The following NPAS3 variants were observed in gnomAD, a reference collection of about 807,000 sequenced individuals.
NPAS3 encodes neuronal PAS domain protein 3, also known as neuronal PAS domain-containing protein 3.
NPAS3 carries 14 observed loss-of-function variants against 73.1 expected under a neutral mutation model. That is an observed-to-expected ratio of 0.19 (90% confidence interval 0.13 to 0.30). The LOEUF is 0.30. Among genes scored for constraint, NPAS3 ranks in the 10% least tolerant of loss-of-function variants. The probability of loss-of-function intolerance (pLI) is 1.00; values close to 1 mark genes in which losing one functional copy is unlikely to be tolerated. For synonymous variants in NPAS3, 620 were observed against 541.5 expected (o/e 1.14, Z -2.01); for missense variants, 1,096 against 1,250.0 (o/e 0.88, Z 1.86).
At chr14:33,272,891 C>T (rs2041159279) in intron 3 of NPAS3, among the ~76,000 whole-genome samples, 1 of 152,200 alleles carries the variant, frequency 6.6e-6, no homozygotes, top group South Asian at 2.1e-4. Flanking sequence ...AATCTCTTTA[C>T]AATTTTACAA....
chr14:33,680,408 C>T (rs2059900545), intron 6 of NPAS3, among the ~76,000 whole-genome samples: 1 of 152,224 alleles, frequency 6.6e-6, no homozygotes, highest in East Asian at 1.9e-4. Flanking sequence ...CTAGAAATAA[C>T]CATTATTCAT....
chr14:33,594,480 C>T (rs1394814487), intron 5 of NPAS3, among the ~76,000 whole-genome samples: 3 of 152,136 alleles, frequency 2.0e-5, no homozygotes, highest in African/African-American at 7.2e-5. Context: ...CATTAATTAC[C>T]TTATATTCTC....
At chr14:32,954,463 A>C (rs750479963) in intron 1 of NPAS3, among the ~76,000 whole-genome samples, 2 of 152,156 alleles carry the variant, frequency 1.3e-5, no homozygotes, top group African/African-American at 2.4e-5. Flanking sequence ...CATAGCTAGT[A>C]AAGTTTTGAA....
intron 3 of NPAS3, among the ~76,000 whole-genome samples, chr14:33,351,775 G>A (rs2045069161): frequency 6.6e-6 from 1 of 152,054 alleles, no homozygotes; most frequent in Admixed American, 6.6e-5. Context: ...TTGAACAAGG[G>A]CATGACATGT....
intron 5 of NPAS3, among the ~76,000 whole-genome samples, chr14:33,644,350 G>A (rs1176782887): frequency 6.6e-6 from 1 of 152,080 alleles, no homozygotes; most frequent in Non-Finnish European, 1.5e-5. Flanking sequence ...TTTTTGGCAG[G>A]GGCACTACAC....
At chr14:33,641,351 AT>A (rs973814344) in intron 5 of NPAS3, among the ~76,000 whole-genome samples, 2 of 152,224 alleles carry the variant, frequency 1.3e-5, no homozygotes, top group South Asian at 2.1e-4. Context: ...TATGAAAAAA[AT>A]AACACAGTCC....
At chr14:33,544,820 A>ATATATATATATAATATATATAT (rs11377851) in intron 4 of NPAS3, among the ~76,000 whole-genome samples, 1 of 98,550 alleles carries the variant, frequency 1.0e-5, no homozygotes, top group African/African-American at 5.4e-5. Context: ...ATGTATATAT[A>ATATATATATATAATATATATAT]ATATATATGT....
intron 1 of NPAS3, among the ~76,000 whole-genome samples, chr14:33,028,999 G>T (rs901242974): frequency 6.6e-6 from 1 of 152,110 alleles, no homozygotes; most frequent in African/African-American, 2.4e-5. Flanking sequence ...CCTGATGGGG[G>T]AGGTATTTTG....
chr14:33,043,832 A>C (rs1346491699), intron 1 of NPAS3, among the ~76,000 whole-genome samples: 1 of 152,040 alleles, frequency 6.6e-6, no homozygotes, highest in African/African-American at 2.4e-5. Context: ...AAAAAAAAAA[A>C]CAACTTCCCA....
At chr14:33,168,704 T>A (rs2045266931) in intron 2 of NPAS3, among the ~76,000 whole-genome samples, 1 of 152,146 alleles carries the variant, frequency 6.6e-6, no homozygotes, top group South Asian at 2.1e-4. Flanking sequence ...TTTCAGTCTC[T>A]ACTAGCTTCC....
intron 6 of NPAS3, among the ~76,000 whole-genome samples, chr14:33,725,711 T>C (rs1267560807): frequency 6.6e-6 from 1 of 152,140 alleles, no homozygotes; most frequent in Non-Finnish European, 1.5e-5. Context: ...CTGTTGCCTT[T>C]CATTGCCACT....
At chr14:33,635,531 C>G (rs772585072) in intron 5 of NPAS3, among the ~76,000 whole-genome samples, 5 of 152,134 alleles carry the variant, frequency 3.3e-5, no homozygotes, top group Admixed American at 6.5e-5. Context: ...CCCAGAGGCT[C>G]GAGCAGGGAG....
intron 6 of NPAS3, among the ~76,000 whole-genome samples, chr14:33,693,154 T>C (rs10131958): frequency 0.15 from 23,473 of 152,180 alleles, 1,910 homozygotes; most frequent in South Asian, 0.24. Context: ...TGACCTCTGG[T>C]AAGCTACCTG....
At chr14:33,501,250 C>T (rs1425997809) in intron 4 of NPAS3, among the ~76,000 whole-genome samples, 2 of 151,860 alleles carry the variant, frequency 1.3e-5, no homozygotes, top group Non-Finnish European at 1.5e-5. Flanking sequence ...CAGAGTATAT[C>T]TGAAGATTAA....
intron 6 of NPAS3, among the ~76,000 whole-genome samples, chr14:33,678,768 T>G (rs200304177): frequency 1.8e-5 from 2 of 111,070 alleles, no homozygotes; most frequent in Non-Finnish European, 3.9e-5. Flanking sequence ...AAAAAAAAAA[T>G]CCACAGCCTG....
intron 2 of NPAS3, among the ~76,000 whole-genome samples, chr14:33,109,754 C>A (rs934189710): frequency 2.1e-5 from 3 of 145,222 alleles, no homozygotes; most frequent in Non-Finnish European, 4.5e-5. Flanking sequence ...TTATGTTTTT[C>A]ATTTTTACAT....
At chr14:33,233,318 T>C (rs1166718869) in intron 3 of NPAS3, among the ~76,000 whole-genome samples, 1 of 152,108 alleles carries the variant, frequency 6.6e-6, no homozygotes, top group Non-Finnish European at 1.5e-5. Context: ...GCTATAGACA[T>C]AGCAAACTAA....
intron 5 of NPAS3, among the ~76,000 whole-genome samples, chr14:33,625,846 C>A (rs1216111422): frequency 6.6e-6 from 1 of 152,032 alleles, no homozygotes; most frequent in Non-Finnish European, 1.5e-5. Flanking sequence ...CATGATTTTT[C>A]AATCCATCAA....
At chr14:33,767,693 C>T (rs2062510439) in intron 7 of NPAS3, among the ~76,000 whole-genome samples, 1 of 150,888 alleles carries the variant, frequency 6.6e-6, no homozygotes, top group African/African-American at 2.4e-5. Context: ...AAATAATGCA[C>T]AGAGTACTTG....
Sources: allele counts gnomAD v4.1 joint callset (sites outside exome capture counted in the v4.1 genomes callset), GRCh38; gene constraint gnomAD v4.1.1; transcripts MANE v1.5; gene names NCBI Gene and HGNC (gene_info 2026-07-23, HGNC 2026-07-21).